NRG1: variants seen among roughly 807,000 people sequenced by gnomAD.
NRG1 encodes the protein neuregulin 1, also known as pro-neuregulin-1, membrane-bound isoform.
In NRG1, 18 loss-of-function variants were observed where a neutral mutation model predicts 63.8. The ratio of observed to expected loss-of-function variants is 0.28; its 90% confidence interval spans 0.19 to 0.42. The LOEUF is 0.42. Ranked by LOEUF, NRG1 falls within the 10% of genes least tolerant of loss-of-function variation. NRG1 has a pLI of 1.00. For missense variants in NRG1, 762 were observed against 814.7 expected (o/e 0.94, Z 0.79); for synonymous variants, 302 against 301.3 (o/e 1.00, Z -0.02).
intron 5 of NRG1, among the ~76,000 whole-genome samples, chr8:32,716,688 T>C (rs920427888): frequency 2.6e-5 from 4 of 152,214 alleles, no homozygotes; most frequent in African/African-American, 7.2e-5. Context: ...ACCTTTGCTC[T>C]ACTTTTCTTT....
intron 1 of NRG1, among the ~76,000 whole-genome samples, chr8:31,993,424 C>T (rs1811410464): frequency 3.9e-5 from 6 of 152,092 alleles, no homozygotes; most frequent in South Asian, 2.1e-4. Context: ...ACAATCCCCA[C>T]GTGTCAAGGT....
chr8:32,762,171 T>C (rs1185762349), intron 11 of NRG1, among the ~76,000 whole-genome samples: 1 of 152,072 alleles, frequency 6.6e-6, no homozygotes, highest in Admixed American at 6.6e-5. Context: ...GCAACCAATC[T>C]ATGAAAAAGT....
chr8:31,837,272 T>C (rs1825764475), intron 1 of NRG1, among the ~76,000 whole-genome samples: 1 of 152,160 alleles, frequency 6.6e-6, no homozygotes, highest in African/African-American at 2.4e-5. Context: ...GATATGCCAA[T>C]CTTTCCTTTT....
chr8:32,678,670 AGG>A (rs1178717011), intron 5 of NRG1, among the ~76,000 whole-genome samples: 1 of 152,206 alleles, frequency 6.6e-6, no homozygotes, highest in Non-Finnish European at 1.5e-5. Context: ...ATAAGAATAA[AGG>A]AGGTTAAATT....
At chr8:32,019,802 T>C (rs986203339) in intron 1 of NRG1, among the ~76,000 whole-genome samples, 2 of 152,228 alleles carry the variant, frequency 1.3e-5, no homozygotes, top group Non-Finnish European at 2.9e-5. Context: ...GACTATCCTT[T>C]TCTCCCATTG....
At chr8:32,476,623 G>A (rs1824552028) in intron 1 of NRG1, among the ~76,000 whole-genome samples, 1 of 152,160 alleles carries the variant, frequency 6.6e-6, no homozygotes, top group Non-Finnish European at 1.5e-5. Context: ...ATGTTGGGTA[G>A]AACAGACTCT....
At chr8:32,348,576 CA>C (rs1168571215) in intron 1 of NRG1, among the ~76,000 whole-genome samples, 1 of 152,108 alleles carries the variant, frequency 6.6e-6, no homozygotes, top group Non-Finnish European at 1.5e-5. Flanking sequence ...GGTCAAATAA[CA>C]TAAAGAAAAA....
intron 1 of NRG1, among the ~76,000 whole-genome samples, chr8:31,860,397 A>G (rs1828365618): frequency 6.6e-6 from 1 of 152,210 alleles, no homozygotes; most frequent in Admixed American, 6.5e-5. Flanking sequence ...GAGCAGAATT[A>G]GATCATGAAA....
chr8:32,396,438 A>G (rs549567630), intron 1 of NRG1, among the ~76,000 whole-genome samples: 1 of 152,180 alleles, frequency 6.6e-6, no homozygotes, highest in South Asian at 2.1e-4. Context: ...GTTCGCCCAA[A>G]TGGTACATTT....
At chr8:32,073,833 T>A (rs1211703538) in intron 1 of NRG1, among the ~76,000 whole-genome samples, 3 of 152,188 alleles carry the variant, frequency 2.0e-5, no homozygotes, top group African/African-American at 7.2e-5. Context: ...ATGCAGGCAA[T>A]CATAGATTAG....
At chr8:31,720,180 A>G (rs1357657356) in intron 1 of NRG1, among the ~76,000 whole-genome samples, 3 of 152,142 alleles carry the variant, frequency 2.0e-5, no homozygotes, top group African/African-American at 4.8e-5. Context: ...ATCTCCCCAT[A>G]TTAGATGATC....
intron 1 of NRG1, among the ~76,000 whole-genome samples, chr8:32,481,935 G>A (rs913089428): frequency 1.1e-4 from 17 of 152,136 alleles, no homozygotes; most frequent in Non-Finnish European, 1.3e-4. Context: ...CTCTAACTGG[G>A]ACTGAAAGTT....
chr8:31,985,330 T>A (rs1809876449), intron 1 of NRG1, among the ~76,000 whole-genome samples: 1 of 152,120 alleles, frequency 6.6e-6, no homozygotes, highest in African/African-American at 2.4e-5. Context: ...GCAAAGGAGT[T>A]ACAAAATTTT....
At chr8:32,027,306 G>A (rs1275080323) in intron 1 of NRG1, among the ~76,000 whole-genome samples, 2 of 152,008 alleles carry the variant, frequency 1.3e-5, no homozygotes, top group Admixed American at 6.6e-5. Context: ...ACATGTATAT[G>A]CTAAAATTTA....
intron 1 of NRG1, among the ~76,000 whole-genome samples, chr8:32,118,194 TG>T (rs1832981686): frequency 6.6e-6 from 1 of 152,092 alleles, no homozygotes; most frequent in South Asian, 2.1e-4. Flanking sequence ...GTGGGCTTAA[TG>T]GGAGGTGTTT....
intron 5 of NRG1, among the ~76,000 whole-genome samples, chr8:32,696,944 G>A (rs1467413650): frequency 6.6e-6 from 1 of 152,174 alleles, no homozygotes; most frequent in African/African-American, 2.4e-5. Context: ...TTACAGGCGT[G>A]AGCCACCGCG....
chr8:32,406,560 A>G (rs1344959298), intron 1 of NRG1, among the ~76,000 whole-genome samples: 1 of 15,888 alleles, frequency 6.3e-5, no homozygotes, highest in African/African-American at 9.7e-5. Flanking sequence ...ATATTTATTT[A>G]ATGGAATTAT....
In NRG1 at chr8:32,702,946, T is replaced by C. The variant is rs538493539; in HGVS notation, c.503-25003T>C. Reference sequence around the variant, plus strand: ...TCTCTAATGGCTGGGTTTTCAACAATAATACAGGCAAGCATAAAAGTTAGC... The same window carrying C: ...TCTCTAATGGCTGGGTTTTCAACAACAATACAGGCAAGCATAAAAGTTAGC... On this transcript the variant is annotated intron_variant, in intron 5 of 11. Transcript: ENST00000356819. 2.0e-5 allele frequency among the ~76,000 whole-genome samples: 3 copies of C among 152,282 alleles called. No homozygotes were observed. In the East Asian group the frequency reaches 5.8e-4, roughly 29 times the overall value.
chr8:32,475,188 C>T (rs1824353730), intron 1 of NRG1, among the ~76,000 whole-genome samples: 1 of 152,088 alleles, frequency 6.6e-6, no homozygotes, highest in Non-Finnish European at 1.5e-5. Context: ...CCTACTTGGC[C>T]AGGCACGCTG....
Sources: gnomAD v4.1 joint callset for allele counts (sites outside exome capture counted in the v4.1 genomes callset) on GRCh38, gnomAD v4.1.1 for gene constraint, MANE v1.5 for transcripts, NCBI Gene and HGNC (gene_info 2026-07-23, HGNC 2026-07-21) for gene names.